Variants in NPHS1 observed in about 807,000 individuals in gnomAD.
NPHS1 encodes nephrin.
In NPHS1, 107 loss-of-function variants were observed where a neutral mutation model predicts 139.7. The observed-to-expected ratio is 0.77, with a 90% CI of 0.66 to 0.90. The LOEUF (loss-of-function observed/expected upper bound fraction) is 0.90, where lower values mean the gene tolerates loss of function less well. Ranked by LOEUF, NPHS1 falls within the 40% of genes least tolerant of loss-of-function variation. NPHS1 has a pLI of 0.00. For synonymous variants in NPHS1, 707 were observed against 706.6 expected, an observed-to-expected ratio of 1.00 and a Z score of -0.01; for missense variants, 1,580 against 1,654.2, an observed-to-expected ratio of 0.96 and a Z score of 0.78.
In NPHS1 at chr19:35,849,533, C is replaced by T. The variant is rs780955459; in HGVS notation, c.712+17G>A. On this transcript the variant is annotated intron_variant, in intron 6 of 28. Transcript: ENST00000378910. ...TCCCCATCCTCAGCGCCCTAGTTGGCCCAGTTCTCCACTTACACAGAACAT... is the reference window on the plus strand; with the variant it reads ...TCCCCATCCTCAGCGCCCTAGTTGGTCCAGTTCTCCACTTACACAGAACAT... The T allele has an allele frequency of 6.2e-6, 10 of 1,609,526 alleles. No homozygotes were observed. The South Asian group carries it at 9.9e-5, about 16-fold the overall frequency.
rs778092711 is a variant in NPHS1, at chr19:35,825,478, A to AACC, written c.*1033_*1035dup. On this transcript the variant is annotated 3_prime_UTR_variant, in exon 29 of 29. Coordinates refer to ENST00000378910, the MANE Select transcript of NPHS1 (RefSeq NM_004646.4). The stretch of plus-strand genomic sequence containing the variant: ...TTTTGACAAATCTGTGCACCCGTGC[A>AACC]ACCACCACCACAATCGTTATATAGA... 6.6e-6 allele frequency among the ~76,000 whole-genome samples: 1 copy of AACC among 152,178 alleles called. No homozygotes were observed. The highest frequency in any genetic ancestry group is 1.5e-5 in the Non-Finnish European group (1 of 68,030).
Position 35,849,382 on chromosome 19 carries a change from T to C in NPHS1, c.713-19A>G, listed in dbSNP as rs761607754. 1 of 1,608,486 alleles carries C rather than the reference T, an allele frequency of 6.2e-7. No homozygotes were observed. Among genetic ancestry groups the C allele is most frequent in the Non-Finnish European group, 8.5e-7 (1 of 1,177,696 alleles). On this transcript the variant is annotated intron_variant, in intron 6 of 28. Transcript: ENST00000378910. ...GGAGGGACTGGGGGATATCAGTCAC[T>C]CAGTGGGCCTGGAGTAGCCCATCCA... is the stretch of plus-strand genomic sequence containing the variant.
At chr19:35,841,583 G>T in intron 20 of NPHS1, 132 bp downstream of exon 20, 1 of 1,025,154 alleles carries the variant, frequency 9.8e-7, no homozygotes, top group Non-Finnish European at 1.5e-6. Flanking sequence ...TTTCAGGGCA[G>T]GCAAAAACTC....
rs1973104749 is a variant in NPHS1 at position 35,844,344 on chromosome 19, G to A, written c.2046C>T (p.Thr682=). The part of the protein sequence containing the change: ...ANPAPEAFNW[T]FRGYRLSPAG... ...CTGGACTGAGGCGATAGCCGCGGAAGGTCCAGTTGAAGGCCTCGGGGGCGG... is the reference window on the plus strand; with the variant it reads ...CTGGACTGAGGCGATAGCCGCGGAAAGTCCAGTTGAAGGCCTCGGGGGCGG... The change falls in exon 15 of 29, where the codon ACC becomes ACT. Residue 682 remains threonine (T), a synonymous_variant. Transcript: ENST00000378910. 1 of 1,613,956 alleles carries A rather than the reference G, an allele frequency of 6.2e-7. No homozygotes were observed. The highest frequency in any genetic ancestry group is 2.2e-5 in the East Asian group (1 of 44,870).
chr19:35,846,338 C>G, intron 11 of NPHS1, 144 bp from the exon 12 acceptor site: 2 of 826,218 alleles, frequency 2.4e-6, no homozygotes, highest in South Asian at 3.3e-5. Flanking sequence ...ATCAGCACCA[C>G]CCCCCTAGGG....
Position 35,848,986 on chromosome 19 carries a change from C to A in NPHS1, c.1002G>T (p.Leu334=). The A allele has an allele frequency of 6.2e-7, 1 of 1,611,842 alleles. No homozygotes were observed. Among genetic ancestry groups the A allele is most frequent in the Non-Finnish European group, 8.5e-7 (1 of 1,180,030 alleles). The change falls in exon 8 of 29, where the codon CTG becomes CTT. Residue 334 remains leucine (L), a synonymous_variant. Coordinates refer to ENST00000378910, the MANE Select transcript of NPHS1 (RefSeq NM_004646.4). ...SAGTQEHGIT[L]QVTFPPSAII... The stretch of plus-strand genomic sequence containing the variant: ...GGCACCAGGACTCACAGGTGACCTG[C>A]AGTGTGATGCCGTGCTCCTGGGTCC...
rs1568454690 is a variant in NPHS1 at position 35,845,881 on chromosome 19, G to A, written c.1628-83C>T. On this transcript the variant is annotated intron_variant, in intron 12 of 28. Transcript: ENST00000378910. This position sits in a 1 kb window ranked among gnomAD's most constrained non-coding sequence, Gnocchi z 5.5. ...CCACCCCGCCTGCACCCCAGGCTCC[G>A]CCCAGTCTCGGGTCCCCCACCCCGC... 4 of 1,556,396 alleles carry A rather than the reference G, an allele frequency of 2.6e-6. No individual in the cohort carries two copies. Among genetic ancestry groups the A allele is most frequent in the Non-Finnish European group, 3.5e-6 (4 of 1,149,270 alleles).
rs34982899 is a variant in NPHS1, at chr19:35,849,285, G to T, written c.791C>A (p.Pro264Gln). 575 of 1,612,932 alleles carry T rather than the reference G, an allele frequency of 3.6e-4. 1 individual carries two copies. Among genetic ancestry groups the T allele is most frequent in the Non-Finnish European group, 4.6e-4 (544 of 1,179,990 alleles). The part of the protein sequence containing the change: ...HVRAGQSLEL[P>Q]CVARGGNPLA... ...GGGATTACCCCCTCGGGCCACGCAC[G>T]GCAGCTCCAAGCTCTGTCCTGCCCG... Residue 264 changes from proline (P) to glutamine (Q), a missense_variant, in exon 7 of 29, where the codon CCG becomes CAG. Coordinates refer to ENST00000378910, the MANE Select transcript of NPHS1 (RefSeq NM_004646.4).
chr19:35,843,439 C>A (rs757719354), intron 17 of NPHS1, 33 bp downstream of exon 17: 88 of 1,613,224 alleles, frequency 5.5e-5, no homozygotes, highest in Non-Finnish European at 7.4e-5. Context: ...ACCCCTTGAC[C>A]CCACCTCTAT....
intron 11 of NPHS1, among the ~76,000 whole-genome samples, chr19:35,847,184 TACAGGCACC>T (rs1375823985): frequency 5.3e-5 from 8 of 151,840 alleles, no homozygotes; most frequent in Non-Finnish European, 8.8e-5. Context: ...TAGCTGGGAC[TACAGGCACC>T]TGCCACCACG....
intron 23 of NPHS1, among the ~76,000 whole-genome samples, chr19:35,834,374 T>C (rs1385980730): frequency 6.6e-6 from 1 of 152,160 alleles, no homozygotes; most frequent in Non-Finnish European, 1.5e-5. Context: ...GCCAGCTGAC[T>C]GCAGAGATGA....
chr19:35,834,088 A>AT (rs1972921398), intron 23 of NPHS1, among the ~76,000 whole-genome samples: 1 of 152,120 alleles, frequency 6.6e-6, no homozygotes, highest in Non-Finnish European at 1.5e-5. Context: ...TTTTTTTGCC[A>AT]AATGGTTGCA....
intron 28 of NPHS1, among the ~76,000 whole-genome samples, chr19:35,828,875 T>C (rs1490997404): frequency 2.0e-5 from 3 of 152,300 alleles, no homozygotes; most frequent in African/African-American, 7.2e-5. Context: ...GGACAGCGCT[T>C]TGCGCCATGC....
At chr19:35,828,350 C>A (rs1337372526) in intron 28 of NPHS1, among the ~76,000 whole-genome samples, 1 of 152,078 alleles carries the variant, frequency 6.6e-6, no homozygotes, top group Non-Finnish European at 1.5e-5. Flanking sequence ...ACTGCAACCT[C>A]CGCCTCCCGG....
At chr19:35,831,594 C>A (rs901055369) in intron 24 of NPHS1, 49 bp downstream of exon 24, 3 of 1,610,130 alleles carry the variant, frequency 1.9e-6, no homozygotes, top group Admixed American at 1.7e-5. Flanking sequence ...CCACAGGGTT[C>A]CCTATCACCC....
intron 9 of NPHS1, 79 bp downstream of exon 9, chr19:35,848,558 G>T: frequency 6.3e-7 from 1 of 1,593,412 alleles, no homozygotes; most frequent in Non-Finnish European, 8.6e-7. Flanking sequence ...CAGGCTGCTG[G>T]ACCCACCCCT....
At chr19:35,828,610 A>G (rs1972831799) in intron 28 of NPHS1, among the ~76,000 whole-genome samples, 1 of 152,240 alleles carries the variant, frequency 6.6e-6, no homozygotes, top group African/African-American at 2.4e-5. Flanking sequence ...AAAAGATAAC[A>G]TTTGTGACAT....
intron 20 of NPHS1, among the ~76,000 whole-genome samples, chr19:35,839,937 A>G (rs1973029111): frequency 6.6e-6 from 1 of 152,152 alleles, no homozygotes; most frequent in South Asian, 2.1e-4. Context: ...ACCAAAAGAA[A>G]CAGCAAAAAA....
chr19:35,835,781 A>G lies in NPHS1; in HGVS notation c.3110-20T>C, dbSNP rs756687153. On this transcript the variant is annotated intron_variant, in intron 22 of 28. Transcript: ENST00000378910. Reference sequence around the variant, plus strand: ...GGAGACCTGGGGGGTGGATATACAGATTGTGACTTAACACTAAGAATCTGA... The same window carrying G: ...GGAGACCTGGGGGGTGGATATACAGGTTGTGACTTAACACTAAGAATCTGA... 6.2e-7 allele frequency: 1 copy of G among 1,608,832 alleles called. No homozygotes were observed. Among genetic ancestry groups the G allele is most frequent in the East Asian group, 2.2e-5 (1 of 44,776 alleles).
Sources: allele counts gnomAD v4.1 joint callset (sites outside exome capture counted in the v4.1 genomes callset), GRCh38; gene constraint gnomAD v4.1.1; non-coding constraint Gnocchi (gnomAD v3.1); transcripts MANE v1.5; gene names NCBI Gene and HGNC (gene_info 2026-07-23, HGNC 2026-07-21).